The following KLF12 variants were observed in gnomAD, a reference collection of about 807,000 sequenced individuals.
KLF12 encodes the protein Krueppel-like factor 12.
In KLF12, 9 loss-of-function variants were observed where a neutral mutation model predicts 37.8. The observed-to-expected ratio is 0.24, with a 90% CI of 0.14 to 0.42. The LOEUF is 0.42. Among genes scored for constraint, KLF12 ranks in the 10% least tolerant of loss-of-function variants. The pLI is 1.00. For missense variants in KLF12, 411 were observed against 516.0 expected (o/e 0.80, Z 1.97); for synonymous variants, 208 against 202.1 (o/e 1.03, Z -0.25).
At chr13:74,236,205 T>C in the KLF12 span, among the ~76,000 whole-genome samples, 420 of 139,234 alleles carry the variant, frequency 3.0e-3, no homozygotes, top group Non-Finnish European at 5.2e-3. Flanking sequence ...TTTGGTTTTT[T>C]GTTCTTGCGA....
At chr13:74,154,386 A>C in the KLF12 span, among the ~76,000 whole-genome samples, 6 of 152,206 alleles carry the variant, frequency 3.9e-5, no homozygotes, top group African/African-American at 1.4e-4. Flanking sequence ...TATTTTTACA[A>C]AATTATAGTA....
rs1040850623 is a variant in KLF12, at chr13:73,688,090, T to C, written c.*7400A>G. 6.6e-6 allele frequency: 1 copy of C among 152,576 alleles called. No homozygotes were observed. Among genetic ancestry groups the C allele is most frequent in the East Asian group, 1.9e-4 (1 of 5,182 alleles). 9.5% of individuals were successfully genotyped at this position (152,576 alleles called of 1,614,324 possible). On this transcript the variant is annotated 3_prime_UTR_variant, in exon 8 of 8. Transcript: ENST00000377669. Reference sequence around the variant, plus strand: ...CCCAGCCAAGTAACAGGGAGAAAGATAATAATTCAGGAGATTCATTTTCAG... The same window carrying C: ...CCCAGCCAAGTAACAGGGAGAAAGACAATAATTCAGGAGATTCATTTTCAG...
the KLF12 span, among the ~76,000 whole-genome samples, chr13:74,261,051 G>A: frequency 6.6e-6 from 1 of 152,128 alleles, no homozygotes; most frequent in East Asian, 1.9e-4. Context: ...TCAGGTGATG[G>A]GTGCACCAAA....
intron 4 of KLF12, among the ~76,000 whole-genome samples, chr13:73,815,332 G>C (rs141935268): frequency 6.6e-6 from 1 of 152,216 alleles, no homozygotes; most frequent in Non-Finnish European, 1.5e-5. Context: ...ATTTATTTTC[G>C]CTGTAGGCAA....
the KLF12 span, among the ~76,000 whole-genome samples, chr13:74,295,108 A>G: frequency 2.0e-5 from 3 of 152,334 alleles, no homozygotes; most frequent in South Asian, 6.2e-4. Flanking sequence ...TTATCTGCAA[A>G]ATGGAGATAC....
chr13:73,969,919 T>A (rs564744166), intron 2 of KLF12, among the ~76,000 whole-genome samples: 1 of 152,336 alleles, frequency 6.6e-6, no homozygotes, highest in South Asian at 2.1e-4. Flanking sequence ...GACCTACCTA[T>A]CTTTTGTTCT....
chr13:74,200,760 T>C, the KLF12 span, among the ~76,000 whole-genome samples: 2 of 152,214 alleles, frequency 1.3e-5, no homozygotes, highest in South Asian at 4.1e-4. Context: ...GTTATACACC[T>C]CTGCTCCGGA....
the KLF12 span, among the ~76,000 whole-genome samples, chr13:74,145,951 T>A: frequency 6.6e-6 from 1 of 152,202 alleles, no homozygotes; most frequent in African/African-American, 2.4e-5. Context: ...GCAAGGAAAT[T>A]TAATTCTTTG....
Position 73,690,965 on chromosome 13 carries a change from G to C in KLF12, c.*4525C>G, listed in dbSNP as rs1873789022. Reference sequence around the variant, plus strand: ...CATATTTAAAGTATCAGTGGACATGGGTTACTAAACAGACATTATAATGAA... The same window carrying C: ...CATATTTAAAGTATCAGTGGACATGCGTTACTAAACAGACATTATAATGAA... On this transcript the variant is annotated 3_prime_UTR_variant, in exon 8 of 8. Transcript: ENST00000377669. 6.6e-6 allele frequency: 1 copy of C among 152,366 alleles called. No homozygotes were observed. The allele number at this position is 152,366 out of a possible 1,614,324, so 9.4% of individuals were successfully genotyped here. A position where few individuals can be genotyped will look rare whatever the true frequency, so the allele number is the denominator to read the frequency against.
chr13:74,180,292 G>A, the KLF12 span, among the ~76,000 whole-genome samples: 1 of 152,154 alleles, frequency 6.6e-6, no homozygotes, highest in Non-Finnish European at 1.5e-5. Context: ...GGAAATGCTT[G>A]GTCTGACAGT....
At chr13:73,864,501 G>T (rs1388294403) in intron 3 of KLF12, among the ~76,000 whole-genome samples, 2 of 152,002 alleles carry the variant, frequency 1.3e-5, no homozygotes, top group African/African-American at 4.8e-5. Flanking sequence ...ATATCAGATT[G>T]TAAATAGTCC....
At chr13:74,242,219 C>A in the KLF12 span, among the ~76,000 whole-genome samples, 1 of 152,138 alleles carries the variant, frequency 6.6e-6, no homozygotes, top group African/African-American at 2.4e-5. Context: ...GTTTACATGT[C>A]CCTGAATTTT....
At chr13:74,147,655 C>G in the KLF12 span, among the ~76,000 whole-genome samples, 1 of 152,160 alleles carries the variant, frequency 6.6e-6, no homozygotes, top group Non-Finnish European at 1.5e-5. Flanking sequence ...TTTTATACCT[C>G]CAGTCTGACC....
At chr13:74,091,185 T>C (rs767257360) in intron 1 of KLF12, among the ~76,000 whole-genome samples, 3 of 152,168 alleles carry the variant, frequency 2.0e-5, no homozygotes, top group Non-Finnish European at 2.9e-5. Context: ...TGCAAAAGAA[T>C]GACTTTGGAC....
At chr13:73,712,338 C>CAAAAAAA (rs752694466) in intron 7 of KLF12, among the ~76,000 whole-genome samples, 10 of 42,054 alleles carry the variant, frequency 2.4e-4, no homozygotes, top group African/African-American at 6.1e-4. Context: ...AACTCCATGT[C>CAAAAAAA]AAAAAAAAAA....
At chr13:74,076,637 T>C (rs1372592055) in intron 1 of KLF12, among the ~76,000 whole-genome samples, 1 of 152,206 alleles carries the variant, frequency 6.6e-6, no homozygotes, top group East Asian at 1.9e-4. Context: ...ATGAATTTCC[T>C]TTTTATTTTT....
At chr13:74,034,997 G>C (rs887065439) in intron 1 of KLF12, among the ~76,000 whole-genome samples, 1 of 152,060 alleles carries the variant, frequency 6.6e-6, no homozygotes, top group Non-Finnish European at 1.5e-5. Flanking sequence ...TTCCTCAAGG[G>C]AACACAGCCT....
At chr13:73,768,430 T>C (rs1385669574) in intron 5 of KLF12, among the ~76,000 whole-genome samples, 1 of 152,094 alleles carries the variant, frequency 6.6e-6, no homozygotes, top group African/African-American at 2.4e-5. Flanking sequence ...GAGCCTGCAG[T>C]CTTACCTACT....
In KLF12 at chr13:73,695,118, G is replaced by GGTC. The variant is rs1343190919; in HGVS notation, c.*369_*371dup. ...ATGGGAGATTCATCCAAATTTAAAA[G>GGTC]GTCTTGCTCTAGCCATCAATTTGTG... On this transcript the variant is annotated 3_prime_UTR_variant, in exon 8 of 8. Transcript: ENST00000377669. The GGTC allele has an allele frequency of 5.6e-6, 1 of 179,036 alleles. No individual in the cohort carries two copies. Among genetic ancestry groups the GGTC allele is most frequent in the Non-Finnish European group, 1.2e-5 (1 of 85,020 alleles). The allele number at this position is 179,036 out of a possible 1,614,324, so 11.1% of individuals were successfully genotyped here.
Sources: allele counts gnomAD v4.1 joint callset (sites outside exome capture counted in the v4.1 genomes callset), GRCh38; gene constraint gnomAD v4.1.1; transcripts MANE v1.5; gene names NCBI Gene and HGNC (gene_info 2026-07-23, HGNC 2026-07-21).